PTPN13: variants seen among roughly 807,000 people sequenced by gnomAD.
PTPN13 encodes tyrosine-protein phosphatase non-receptor type 13.
Under a neutral mutation model 284.0 loss-of-function variants are expected in PTPN13, and 191 were observed. That is an observed-to-expected ratio of 0.67 (90% CI 0.60 to 0.76). PTPN13 has a LOEUF of 0.76. Ranked by LOEUF, PTPN13 falls within the 30% of genes least tolerant of loss-of-function variation. The pLI is 0.00. For synonymous variants in PTPN13, 986 were observed against 1,022.3 expected (o/e 0.96, Z 0.68); for missense variants, 2,797 against 2,939.9 (o/e 0.95, Z 1.12).
At chr4:86,792,222 C>T (rs1742765489) in intron 40 of PTPN13, among the ~76,000 whole-genome samples, 2 of 152,118 alleles carry the variant, frequency 1.3e-5, no homozygotes, top group African/African-American at 4.8e-5. Context: ...GCACAAGCTT[C>T]AATCGCCGAT....
At chr4:86,631,259 C>A (rs1722442265) in intron 1 of PTPN13, among the ~76,000 whole-genome samples, 1 of 152,124 alleles carries the variant, frequency 6.6e-6, no homozygotes, top group African/African-American at 2.4e-5. Context: ...TGGTTGACTT[C>A]AAGCTTTTTT....
chr4:86,803,384 A>G (rs1744268282), intron 42 of PTPN13, among the ~76,000 whole-genome samples: 1 of 151,974 alleles, frequency 6.6e-6, no homozygotes, highest in Non-Finnish European at 1.5e-5. Context: ...TGAGGCCAGG[A>G]GTTCAAGACC....
chr4:86,706,166 C>G (rs10027356), intron 7 of PTPN13, among the ~76,000 whole-genome samples: 1,962 of 152,216 alleles, frequency 0.013, 53 homozygotes, highest in African/African-American at 0.045. Context: ...TTTCAGAGGT[C>G]CAGAGAAGTA....
Position 86,622,861 on chromosome 4 carries a change from C to A in PTPN13, c.-5-12391C>A, listed in dbSNP as rs574750934. ...TTCAGTTACCTACTTAGCATCTTCA[C>A]TTGAATGTCTAATCAGCATTGCAAA... On this transcript the variant is annotated intron_variant, in intron 1 of 47. Transcript: ENST00000411767. Among the ~76,000 whole-genome samples the A allele has an allele frequency of 6.4e-4, 97 of 152,300 alleles. 1 individual carries two copies. The highest frequency in any genetic ancestry group is 2.6e-3 in the Admixed American group (40 of 15,294).
chr4:86,757,003 C>T (rs768302511), intron 20 of PTPN13, among the ~76,000 whole-genome samples: 1 of 152,016 alleles, frequency 6.6e-6, no homozygotes, highest in Non-Finnish European at 1.5e-5. Flanking sequence ...ATATGTTGAA[C>T]GAACTGACCA....
Position 86,782,222 on chromosome 4 carries a change from G to C in PTPN13, c.5984G>C (p.Cys1995Ser). 6.2e-7 allele frequency: 1 copy of C among 1,610,220 alleles called. No individual in the cohort carries two copies. The highest frequency in any genetic ancestry group is 1.3e-5 in the African/African-American group (1 of 74,944). Reference sequence around the variant, plus strand: ...TCAGGTTCCTACAGTGTGGGGTCTTGCAGCCAGCCTGCCCTCACTCCTAAT... The same window carrying C: ...TCAGGTTCCTACAGTGTGGGGTCTTCCAGCCAGCCTGCCCTCACTCCTAAT... ...KGNGSYSVGS[C>S]SQPALTPNDS... The change falls in exon 37 of 48, where the codon TGC becomes TCC. Residue 1995 changes from cysteine (C) to serine (S), a missense_variant. Physicochemically the swap from Cys to Ser is moderately radical, Grantham distance 112. Transcript: ENST00000411767.
At chr4:86,709,267 A>G (rs185281310) in intron 7 of PTPN13, among the ~76,000 whole-genome samples, 9 of 151,746 alleles carry the variant, frequency 5.9e-5, no homozygotes, top group African/African-American at 2.2e-4. Flanking sequence ...TCTTTCTCTC[A>G]CCTCCCCAGT....
chr4:86,649,408 G>C (rs1724826752), intron 2 of PTPN13, among the ~76,000 whole-genome samples: 1 of 152,062 alleles, frequency 6.6e-6, no homozygotes, highest in African/African-American at 2.4e-5. Flanking sequence ...TTTTGTATAA[G>C]GCAAGAGATA....
chr4:86,734,903 AT>A (rs1565445765), intron 14 of PTPN13, 28 bp downstream of exon 14: 1 of 1,598,776 alleles, frequency 6.3e-7, no homozygotes, highest in Non-Finnish European at 8.6e-7. Flanking sequence ...TTCCAGGACC[AT>A]TTTTGTTTGG....
At chr4:86,652,727 C>T (rs965469689) in intron 2 of PTPN13, among the ~76,000 whole-genome samples, 2 of 151,908 alleles carry the variant, frequency 1.3e-5, no homozygotes, top group Admixed American at 6.5e-5. Flanking sequence ...AATTATATAC[C>T]TTGAGGTAGT....
intron 1 of PTPN13, among the ~76,000 whole-genome samples, chr4:86,630,978 A>G (rs1005401675): frequency 6.6e-6 from 1 of 152,160 alleles, no homozygotes; most frequent in African/African-American, 2.4e-5. Flanking sequence ...CAAAAACATA[A>G]TAATGATTCT....
intron 1 of PTPN13, among the ~76,000 whole-genome samples, chr4:86,607,374 A>T (rs1480431557): frequency 6.6e-6 from 1 of 151,994 alleles, no homozygotes; most frequent in African/African-American, 2.4e-5. Context: ...ATCTAAATGA[A>T]CACTGAAAAT....
rs959642400 is a variant in PTPN13 at position 86,807,545 on chromosome 4, G to A, written c.6746-15G>A. The A allele has an allele frequency of 1.3e-6, 2 of 1,580,592 alleles. No homozygotes were observed. The highest frequency in any genetic ancestry group is 1.3e-5 in the African/African-American group (1 of 74,190). The stretch of plus-strand genomic sequence containing the variant: ...ATGATATGGATGGCTCTGTTTTGTG[G>A]TGGAAAATTCACAGATGATGCTACA... On this transcript the variant is annotated splice_polypyrimidine_tract_variant and intron_variant, in intron 44 of 47. Transcript: ENST00000411767.
intron 15 of PTPN13, among the ~76,000 whole-genome samples, chr4:86,736,594 T>C (rs1202533370): frequency 2.0e-5 from 3 of 152,224 alleles, no homozygotes; most frequent in Admixed American, 6.5e-5. Flanking sequence ...AATTTAAAGA[T>C]ATTAAATTAT....
At position 86,680,131 on chromosome 4, in the gene PTPN13, G is replaced by A. The variant is rs564199108; in HGVS notation, c.295-6579G>A. Among the ~76,000 whole-genome samples, 6 of 152,228 alleles carry A rather than the reference G, an allele frequency of 3.9e-5. No homozygotes were observed. The South Asian group carries it at 1.0e-3, about 26-fold the overall frequency. ...TGGGACAGTACCCAGCATGTAGTAA[G>A]CATCCAAGAAATAGTAACTATCACT... On this transcript the variant is annotated intron_variant, in intron 3 of 47. Transcript: ENST00000411767.
intron 7 of PTPN13, among the ~76,000 whole-genome samples, chr4:86,704,200 T>C (rs761935269): frequency 9.2e-5 from 14 of 152,094 alleles, no homozygotes; most frequent in Admixed American, 2.0e-4. Flanking sequence ...ATAATCATTA[T>C]AATTTCTAAT....
At chr4:86,715,590 T>C (rs1472123285) in intron 7 of PTPN13, among the ~76,000 whole-genome samples, 1 of 152,178 alleles carries the variant, frequency 6.6e-6, no homozygotes, top group Non-Finnish European at 1.5e-5. Flanking sequence ...AGACCCTGTC[T>C]CTAAAAAATA....
At chr4:86,710,168 GA>G (rs1431551276) in intron 7 of PTPN13, among the ~76,000 whole-genome samples, 11 of 152,194 alleles carry the variant, frequency 7.2e-5, no homozygotes, top group African/African-American at 2.4e-4. Flanking sequence ...TGCTTTGTTT[GA>G]AAATTGAAAT....
At chr4:86,717,285 T>G (rs1733144550) in intron 9 of PTPN13, among the ~76,000 whole-genome samples, 168 bp downstream of exon 9, 2 of 151,056 alleles carry the variant, frequency 1.3e-5, no homozygotes, top group African/African-American at 4.9e-5. Flanking sequence ...TTCTCCCAGG[T>G]TCACGCAATT....
Sources: allele counts gnomAD v4.1 joint callset (sites outside exome capture counted in the v4.1 genomes callset), GRCh38; gene constraint gnomAD v4.1.1; transcripts MANE v1.5; gene names NCBI Gene and HGNC (gene_info 2026-07-23, HGNC 2026-07-21).